Variants in STK32B observed in about 807,000 individuals in gnomAD.
STK32B encodes the protein serine/threonine kinase 32B.
STK32B carries 43 observed loss-of-function variants against 52.6 expected under a neutral mutation model. The observed-to-expected ratio is 0.82, with a 90% CI of 0.64 to 1.05. STK32B has a LOEUF of 1.05. STK32B is among the 50% of genes least tolerant of loss of function. The pLI, the probability that STK32B is intolerant of heterozygous loss-of-function variation, is 0.00. For missense variants in STK32B, 621 were observed against 534.6 expected (o/e 1.16, Z -1.59); for synonymous variants, 238 against 204.3 (o/e 1.17, Z -1.41).
chr4:5,031,591 A>G, the STK32B span, among the ~76,000 whole-genome samples: 5 of 150,098 alleles, frequency 3.3e-5, no homozygotes, highest in Non-Finnish European at 5.9e-5. Flanking sequence ...TCTGTCTCCA[A>G]AAAAAAAAAG....
At chr4:5,374,893 A>G (rs1021079006) in intron 4 of STK32B, among the ~76,000 whole-genome samples, 1 of 152,224 alleles carries the variant, frequency 6.6e-6, no homozygotes, top group African/African-American at 2.4e-5. Context: ...AGGGTGCCTG[A>G]CAATGTCTGT....
intron 3 of STK32B, among the ~76,000 whole-genome samples, chr4:5,225,375 C>T (rs1219939784): frequency 6.6e-6 from 1 of 152,066 alleles, no homozygotes; most frequent in African/African-American, 2.4e-5. Flanking sequence ...CCATTGCACT[C>T]CAGCCTGGGT....
At chr4:5,290,893 T>C (rs1473363779) in intron 3 of STK32B, among the ~76,000 whole-genome samples, 1 of 152,150 alleles carries the variant, frequency 6.6e-6, no homozygotes, top group Non-Finnish European at 1.5e-5. Flanking sequence ...TGCAAGCTGA[T>C]AGTAAAATTC....
intron 4 of STK32B, among the ~76,000 whole-genome samples, chr4:5,334,370 A>G (rs1732483800): frequency 1.3e-5 from 2 of 152,148 alleles, no homozygotes; most frequent in African/African-American, 2.4e-5. Flanking sequence ...GCTTAAGGAG[A>G]TTTTGGGCTG....
chr4:5,130,220 C>G (rs1042067122), intron 1 of STK32B, among the ~76,000 whole-genome samples: 5 of 151,624 alleles, frequency 3.3e-5, no homozygotes, highest in Admixed American at 1.3e-4. Context: ...GGCACCATGA[C>G]CAGGCGTTCC....
At chr4:5,264,229 AC>A (rs1726907354) in intron 3 of STK32B, among the ~76,000 whole-genome samples, 1 of 152,164 alleles carries the variant, frequency 6.6e-6, no homozygotes, top group African/African-American at 2.4e-5. Context: ...CTTTTAACTG[AC>A]AAAGAGTTTT....
chr4:5,131,068 T>C (rs930593934), intron 1 of STK32B, among the ~76,000 whole-genome samples: 2 of 152,204 alleles, frequency 1.3e-5, no homozygotes, highest in Non-Finnish European at 1.5e-5. Context: ...GGCATGCCTC[T>C]GCTAGGCAGA....
At chr4:5,035,354 G>A in the STK32B span, among the ~76,000 whole-genome samples, 1 of 152,200 alleles carries the variant, frequency 6.6e-6, no homozygotes, top group Non-Finnish European at 1.5e-5. Flanking sequence ...GAAGATGTTT[G>A]CAACATGCTT....
rs1742082770 is a variant in STK32B, at chr4:5,058,205, G to C, written c.52+6290G>C. Among the ~76,000 whole-genome samples the C allele has an allele frequency of 6.6e-6, 1 of 152,174 alleles. No individual in the cohort carries two copies. Among genetic ancestry groups the C allele is most frequent in the Non-Finnish European group, 1.5e-5 (1 of 68,038 alleles). On this transcript the variant is annotated intron_variant, in intron 1 of 11. Transcript: ENST00000282908. The surrounding 1 kb of genome is among the most constrained non-coding windows in gnomAD (Gnocchi z 4.8). ...TTCTTTCAGTGCGGGACATTATCCT[G>C]TTTCAACGTGGGAACATTATCACTG...
At chr4:5,298,914 C>T (rs186070009) in intron 3 of STK32B, among the ~76,000 whole-genome samples, 21 of 151,782 alleles carry the variant, frequency 1.4e-4, no homozygotes, top group Admixed American at 1.4e-3. Flanking sequence ...AAACCCGGGG[C>T]CCTGGTGGTG....
chr4:5,093,233 CTA>C (rs1713193538), intron 1 of STK32B, among the ~76,000 whole-genome samples: 1 of 152,078 alleles, frequency 6.6e-6, no homozygotes, highest in Admixed American at 6.6e-5. Context: ...GTATACAAAT[CTA>C]TTATAAAAGG....
chr4:5,465,569 T>G (rs964897291), intron 9 of STK32B, among the ~76,000 whole-genome samples: 1 of 152,190 alleles, frequency 6.6e-6, no homozygotes, highest in Non-Finnish European at 1.5e-5. Context: ...GAATGGCCAG[T>G]TGTGGAACGG....
intron 3 of STK32B, among the ~76,000 whole-genome samples, chr4:5,282,857 T>C (rs892857690): frequency 2.6e-5 from 4 of 152,176 alleles, no homozygotes; most frequent in African/African-American, 9.6e-5. Context: ...TTAGAACTTA[T>C]GAGTTGTTTA....
intron 1 of STK32B, among the ~76,000 whole-genome samples, chr4:5,097,667 A>G (rs547648523): frequency 6.6e-6 from 1 of 152,326 alleles, no homozygotes; most frequent in East Asian, 1.9e-4. Flanking sequence ...ACTCTTCAGA[A>G]GGGCCATTTT....
intron 3 of STK32B, among the ~76,000 whole-genome samples, chr4:5,170,715 G>C (rs1458749081): frequency 2.0e-5 from 3 of 152,120 alleles, no homozygotes; most frequent in Admixed American, 6.6e-5. Flanking sequence ...ATCATTGTTG[G>C]ACATTTGGGT....
chr4:5,482,052 T>G (rs1229833134), intron 11 of STK32B, among the ~76,000 whole-genome samples: 1 of 152,206 alleles, frequency 6.6e-6, no homozygotes, highest in Non-Finnish European at 1.5e-5. Flanking sequence ...GGCCTAGGAT[T>G]GACTTGGCAA....
intron 11 of STK32B, among the ~76,000 whole-genome samples, chr4:5,490,967 C>G (rs1719682304): frequency 6.6e-6 from 1 of 152,178 alleles, no homozygotes; most frequent in African/African-American, 2.4e-5. Flanking sequence ...TTAATCCAGT[C>G]TATCATTGTT....
chr4:5,200,446 A>G (rs908280223), intron 3 of STK32B, among the ~76,000 whole-genome samples: 3 of 152,064 alleles, frequency 2.0e-5, no homozygotes, highest in East Asian at 1.9e-4. Flanking sequence ...AAAGTCCCCA[A>G]TGTTGTTTGC....
intron 6 of STK32B, among the ~76,000 whole-genome samples, chr4:5,429,400 C>A (rs1713372667): frequency 6.6e-6 from 1 of 151,952 alleles, no homozygotes; most frequent in African/African-American, 2.4e-5. Context: ...TTGATCCTTA[C>A]TTATGATTCC....
Sources: gnomAD v4.1 joint callset for allele counts (sites outside exome capture counted in the v4.1 genomes callset) on GRCh38, gnomAD v4.1.1 for gene constraint, Gnocchi (gnomAD v3.1) non-coding constraint, MANE v1.5 for transcripts, NCBI Gene and HGNC (gene_info 2026-07-23, HGNC 2026-07-21) for gene names.